The following TSHZ3 variants were observed in gnomAD, a reference collection of about 807,000 sequenced individuals.
TSHZ3 encodes teashirt zinc finger homeobox 3.
A neutral mutation model predicts 64.5 loss-of-function variants in TSHZ3; 10 were observed. That is an observed-to-expected ratio of 0.16 (90% CI 0.10 to 0.26). The LOEUF (loss-of-function observed/expected upper bound fraction) is 0.26, where lower values mean the gene tolerates loss of function less well. TSHZ3 is among the 10% of genes least tolerant of loss of function. The probability of loss-of-function intolerance (pLI) is 1.00; values close to 1 mark genes in which losing one functional copy is unlikely to be tolerated. For synonymous variants in TSHZ3, 608 were observed against 593.1 expected (o/e 1.03, Z -0.36); for missense variants, 1,242 against 1,421.7 (o/e 0.87, Z 2.03).
intron 1 of TSHZ3, among the ~76,000 whole-genome samples, chr19:31,250,037 T>C (rs1870611816): frequency 6.6e-6 from 1 of 152,098 alleles, no homozygotes; most frequent in African/African-American, 2.4e-5. Flanking sequence ...GTGCAAGAGC[T>C]CCCAGGCTGC....
At chr19:31,161,706 C>T (rs1037713244) in intron 5 of TSHZ3, among the ~76,000 whole-genome samples, 11 of 152,214 alleles carry the variant, frequency 7.2e-5, no homozygotes, top group African/African-American at 2.2e-4. Context: ...GGCAGACGTG[C>T]AGTTTGCATT....
intron 3 of TSHZ3, among the ~76,000 whole-genome samples, chr19:31,233,573 C>A (rs1048199611): frequency 6.6e-6 from 1 of 152,112 alleles, no homozygotes; most frequent in African/African-American, 2.4e-5. Flanking sequence ...TTCGGCAGGG[C>A]AAGCAATTTT....
At chr19:31,245,289 T>C (rs1407062510) in intron 1 of TSHZ3, among the ~76,000 whole-genome samples, 3 of 152,224 alleles carry the variant, frequency 2.0e-5, no homozygotes, top group Middle Eastern at 3.4e-3. Context: ...AAAACTTGTC[T>C]CACCCTTCTC....
At chr19:31,150,632 C>T (rs1293619344) in exon 7 of TSHZ3, among the ~76,000 whole-genome samples, 3 of 152,196 alleles carry the variant, frequency 2.0e-5, no homozygotes, top group Non-Finnish European at 4.4e-5. Context: ...GGGGCAGACA[C>T]AATCAGATTT....
intron 4 of TSHZ3, among the ~76,000 whole-genome samples, chr19:31,212,752 T>C (rs991108502): frequency 1.3e-5 from 2 of 152,152 alleles, no homozygotes; most frequent in Middle Eastern, 3.2e-3. Context: ...CACTCCTTGA[T>C]GTTTACCCAA....
At chr19:31,304,966 G>A (rs1457555666) in intron 1 of TSHZ3, among the ~76,000 whole-genome samples, 6 of 152,174 alleles carry the variant, frequency 3.9e-5, no homozygotes, top group African/African-American at 1.4e-4. Flanking sequence ...TTTAATAACT[G>A]TGATCAGTTG....
chr19:31,296,869 T>G (rs527496935), intron 1 of TSHZ3, among the ~76,000 whole-genome samples: 28 of 152,296 alleles, frequency 1.8e-4, no homozygotes, highest in African/African-American at 5.5e-4. Context: ...CCAAAGGGCC[T>G]GGGACAGCTC....
intron 1 of TSHZ3, among the ~76,000 whole-genome samples, chr19:31,302,991 T>A (rs12460847): frequency 0.012 from 1,761 of 152,320 alleles, 99 homozygotes; most frequent in Admixed American, 0.096. Flanking sequence ...CATATACACA[T>A]CCTTATGCTT....
rs953240475 is a variant in TSHZ3, at chr19:31,239,053, T to C, written n.550+3216A>G. On this transcript the variant is annotated intron_variant and non_coding_transcript_variant, in intron 3 of 6. Transcript: ENST00000651361. Reference sequence around the variant, plus strand: ...AATTTTTGTGTGCTTGATGTAGGGCTACTAAAATGTGTTTTTTAAATTATC... The same window carrying C: ...AATTTTTGTGTGCTTGATGTAGGGCCACTAAAATGTGTTTTTTAAATTATC... Among the ~76,000 whole-genome samples the C allele has an allele frequency of 2.0e-5, 3 of 152,212 alleles. No homozygotes were observed. The East Asian group carries it at 5.8e-4, about 29-fold the overall frequency.
intron 3 of TSHZ3, among the ~76,000 whole-genome samples, chr19:31,232,039 G>A (rs1004655124): frequency 3.9e-5 from 6 of 152,092 alleles, no homozygotes; most frequent in Non-Finnish European, 8.8e-5. Flanking sequence ...TCAGAATAAA[G>A]GGAAATTTCA....
chr19:31,261,117 C>T (rs544343686), intron 1 of TSHZ3, among the ~76,000 whole-genome samples: 41 of 152,290 alleles, frequency 2.7e-4, no homozygotes, highest in African/African-American at 5.8e-4. Flanking sequence ...ATCTCCCCAT[C>T]AGTACAATGG....
chr19:31,216,141 C>A (rs569127780), intron 4 of TSHZ3, among the ~76,000 whole-genome samples: 5 of 152,106 alleles, frequency 3.3e-5, no homozygotes, highest in Admixed American at 1.3e-4. Context: ...TAAGTGTATA[C>A]AAGAAATATA....
rs1022314553 is a variant in TSHZ3, at chr19:31,277,554, T to C, written c.2239A>G (p.Met747Val). ...AKPSLPALDP[M>V]SMLFKMSNSL... ...TTGCTCATCTTGAAAAGCATGCTCA[T>C]GGGGTCCAGGGCAGGCAGGGAGGGC... Residue 747 changes from methionine (M) to valine (V), a missense_variant, in exon 2 of 2, where the codon ATG (methionine) becomes GTG (valine). Met to Val is a conservative substitution (Grantham distance 21, BLOSUM62 1). Transcript: ENST00000240587. The surrounding 1 kb of genome is among the most constrained non-coding windows in gnomAD (Gnocchi z 4.5). The C allele has an allele frequency of 1.2e-6, 2 of 1,601,590 alleles. No individual in the cohort carries two copies. Among genetic ancestry groups the C allele is most frequent in the South Asian group, 1.1e-5 (1 of 89,230 alleles).
intron 3 of TSHZ3, among the ~76,000 whole-genome samples, chr19:31,233,619 T>C: frequency 6.6e-6 from 1 of 152,180 alleles, no homozygotes; most frequent in East Asian, 1.9e-4. Flanking sequence ...TTTTCTTCTT[T>C]AGTTAGTGCT....
chr19:31,288,584 C>T (rs1004940693), intron 1 of TSHZ3, among the ~76,000 whole-genome samples: 1 of 152,286 alleles, frequency 6.6e-6, no homozygotes, highest in African/African-American at 2.4e-5. Flanking sequence ...GCTCTGTCGC[C>T]CAGCCTGGAG....
downstream of TSHZ3, among the ~76,000 whole-genome samples, chr19:31,273,486 G>A (rs955030463): frequency 5.3e-5 from 8 of 152,292 alleles, no homozygotes; most frequent in East Asian, 1.5e-3. Flanking sequence ...CAAGAGCGGG[G>A]TTCCACCGTC....
chr19:31,176,819 C>A (rs1323438336), intron 5 of TSHZ3, among the ~76,000 whole-genome samples: 6 of 151,904 alleles, frequency 3.9e-5, no homozygotes, highest in African/African-American at 1.5e-4. Flanking sequence ...ACAACAACAA[C>A]AACAACAAAA....
intron 5 of TSHZ3, among the ~76,000 whole-genome samples, chr19:31,163,325 T>G (rs1287848051): frequency 6.6e-6 from 1 of 152,162 alleles, no homozygotes; most frequent in Non-Finnish European, 1.5e-5. Context: ...TGAAATCTGA[T>G]TATAAAGGGC....
intron 1 of TSHZ3, among the ~76,000 whole-genome samples, chr19:31,330,217 G>C (rs1336513242): frequency 1.3e-5 from 2 of 151,822 alleles, no homozygotes; most frequent in African/African-American, 2.4e-5. Flanking sequence ...TTTAAATTTG[G>C]GGGCAAAAAT....
Sources: allele counts gnomAD v4.1 joint callset (sites outside exome capture counted in the v4.1 genomes callset), GRCh38; gene constraint gnomAD v4.1.1; non-coding constraint Gnocchi (gnomAD v3.1); transcripts MANE v1.5; gene names NCBI Gene and HGNC (gene_info 2026-07-23, HGNC 2026-07-21).